SH3BP1: variants seen among roughly 807,000 people sequenced by gnomAD.
SH3BP1 encodes the protein SH3 domain-binding protein 1.
In SH3BP1, 46 loss-of-function variants were observed where a neutral mutation model predicts 69.8. The ratio of observed to expected loss-of-function variants is 0.66; its 90% CI spans 0.52 to 0.84. The LOEUF is 0.84. Ranked by LOEUF, SH3BP1 falls within the 40% of genes least tolerant of loss-of-function variation. The probability of loss-of-function intolerance (pLI) is 0.00; values close to 1 mark genes in which losing one functional copy is unlikely to be tolerated. For missense variants in SH3BP1, 868 were observed against 930.9 expected (o/e 0.93, Z 0.88); for synonymous variants, 403 against 378.0 (o/e 1.07, Z -0.77).
In SH3BP1 at chr22:37,655,354, GC is replaced by G; in HGVS notation, c.1781del (p.Pro594LeufsTer64). On this transcript the variant is annotated frameshift_variant, in exon 18 of 18. Coordinates refer to ENST00000649765, the MANE Select transcript of SH3BP1 (RefSeq NM_018957.6). LOFTEE classifies it low-confidence loss of function (END_TRUNC). ...SRSSPPAPPL[P>X]PGSGSPGTPQ... ...GCTCCTCCCCTCCAGCCCCGCCCTT[GC>G]CCCCTGGCTCTGGCAGCCCTGGGAC... is the stretch of plus-strand genomic sequence containing the variant. 8.4e-7 allele frequency: 1 copy of G among 1,191,646 alleles called. No homozygotes were observed. The highest frequency in any genetic ancestry group is 1.1e-6 in the Non-Finnish European group (1 of 936,392). 73.8% of individuals were successfully genotyped at this position (1,191,646 alleles called of 1,614,324 possible). A position where few individuals can be genotyped will look rare whatever the true frequency, so the allele number is the denominator to read the frequency against.
intron 16 of SH3BP1, among the ~76,000 whole-genome samples, chr22:37,651,633 G>A (rs532025283): frequency 3.9e-5 from 6 of 151,984 alleles, no homozygotes; most frequent in Admixed American, 6.6e-5. Context: ...CTTGGCCACC[G>A]TCTTCTCTTT....
intron 14 of SH3BP1, chr22:37,648,892 A>G (rs576060540): frequency 1.2e-5 from 2 of 172,182 alleles, no homozygotes; most frequent in South Asian, 1.2e-4. Flanking sequence ...TTTAGTAGAG[A>G]CAGGGTTTCA....
At chr22:37,642,819 G>T in intron 4 of SH3BP1, 76 bp from the exon 5 acceptor site, 1 of 1,589,886 alleles carries the variant, frequency 6.3e-7, no homozygotes, top group Non-Finnish European at 8.6e-7. Context: ...AAGTGAGGGA[G>T]GAGAGGCCCC....
At chr22:37,654,932 A>G (rs1243536373) in intron 17 of SH3BP1, among the ~76,000 whole-genome samples, 1 of 152,226 alleles carries the variant, frequency 6.6e-6, no homozygotes, top group South Asian at 2.1e-4. Flanking sequence ...CAACACAGCG[A>G]GACCCTGTCT....
intron 6 of SH3BP1, 153 bp downstream of exon 6, chr22:37,643,327 G>C: frequency 1.4e-6 from 1 of 724,772 alleles, no homozygotes; most frequent in African/African-American, 1.8e-5. Flanking sequence ...AGGAGCACAG[G>C]TGGTTAGCGT....
rs551887648 is a variant in SH3BP1 at position 37,648,412 on chromosome 22, G to A, written c.1293G>A (p.Leu431=). 2.6e-6 allele frequency: 4 copies of A among 1,567,308 alleles called. No individual in the cohort carries two copies. In the East Asian group the frequency reaches 9.2e-5, roughly 36 times the overall value. The part of the protein sequence containing the change: ...SNIAIVLGPN[L]LWPPEKEGDQ... Reference sequence around the variant, plus strand: ...TCGCCATAGTCCTGGGACCCAACTTGCTGTGGCCACCTGAGAAAGAAGGGT... The same window carrying A: ...TCGCCATAGTCCTGGGACCCAACTTACTGTGGCCACCTGAGAAAGAAGGGT... The change falls in exon 14 of 18, where the codon TTG becomes TTA. Residue 431 remains leucine (L), a synonymous_variant. Coordinates refer to ENST00000649765, the MANE Select transcript of SH3BP1 (RefSeq NM_018957.6).
rs1227474092 is a variant in SH3BP1 at position 37,643,758 on chromosome 22, G to A, written c.588G>A (p.Glu196=). 5.0e-6 allele frequency: 8 copies of A among 1,613,596 alleles called. No homozygotes were observed. The highest frequency in any genetic ancestry group is 6.8e-6 in the Non-Finnish European group (8 of 1,180,016). Residue 196 remains glutamate, a synonymous_variant, in exon 7 of 18, where the codon GAG becomes GAA. Transcript: ENST00000649765. The stretch of plus-strand genomic sequence containing the variant: ...TGGAGACGCTGAAGGAGGAGGAGGA[G>A]GAGCTGAAGAGGAAAGTGGAGCAAT... ...NKVETLKEEE[E]ELKRKVEQCR...
At chr22:37,646,645 T>G (rs1932789935) in intron 10 of SH3BP1, 173 bp from the exon 11 acceptor site, 3 of 431,978 alleles carry the variant, frequency 6.9e-6, no homozygotes, top group African/African-American at 6.1e-5. Context: ...TGCTCAGAAT[T>G]CTAGACCTTG....
rs533581987 is a variant in SH3BP1 at position 37,641,767 on chromosome 22, C to T, written c.207+289C>T. 2.0e-4 allele frequency: 73 copies of T among 367,118 alleles called. 1 individual carries two copies. Among genetic ancestry groups the T allele is most frequent in the African/African-American group, 1.1e-3 (54 of 47,474 alleles). 22.7% of individuals were successfully genotyped at this position (367,118 alleles called of 1,614,324 possible). Reference sequence around the variant, plus strand: ...GCGCAAGAGCAGGCTGTCAATGGGGCGGCCTCAGAGGGTTTCCTGAAGGAG... The same window carrying T: ...GCGCAAGAGCAGGCTGTCAATGGGGTGGCCTCAGAGGGTTTCCTGAAGGAG... On this transcript the variant is annotated intron_variant, in intron 3 of 17. Coordinates refer to ENST00000649765, the MANE Select transcript of SH3BP1 (RefSeq NM_018957.6).
In SH3BP1 at chr22:37,646,800, G is replaced by A. The variant is rs1569008122; in HGVS notation, c.925-18G>A. On this transcript the variant is annotated intron_variant, in intron 10 of 17. Coordinates refer to ENST00000649765, the MANE Select transcript of SH3BP1 (RefSeq NM_018957.6). Reference sequence around the variant, plus strand: ...GCCCACCCCTCTGTGACCCTTGCCTGCCTCCTCTCGAACCCAGGGTCTCTT... The same window carrying A: ...GCCCACCCCTCTGTGACCCTTGCCTACCTCCTCTCGAACCCAGGGTCTCTT... 4.1e-6 allele frequency: 6 copies of A among 1,478,758 alleles called. No individual in the cohort carries two copies. The East Asian group carries it at 1.5e-4, about 36-fold the overall frequency. The allele number at this position is 1,478,758 out of a possible 1,614,324, so 91.6% of individuals were successfully genotyped here. A position where few individuals can be genotyped will look rare whatever the true frequency, so the allele number is the denominator to read the frequency against.
At chr22:37,641,064 C>T (rs1932565049) in intron 1 of SH3BP1, 62 bp from the exon 2 acceptor site, 2 of 1,115,284 alleles carry the variant, frequency 1.8e-6, no homozygotes, top group Non-Finnish European at 2.6e-6. Flanking sequence ...AAGTAGGGGG[C>T]GTTCTAACCC....
intron 3 of SH3BP1, 137 bp from the exon 4 acceptor site, chr22:37,642,402 G>A (rs2146045300): frequency 2.7e-6 from 2 of 752,624 alleles, no homozygotes; most frequent in South Asian, 1.6e-5. Context: ...ACCACGCCTT[G>A]TCATCTTGTT....
rs74643220 is a variant in SH3BP1 at position 37,647,409 on chromosome 22, G to A, written c.1119-32G>A. The A allele has an allele frequency of 8.7e-4, 1,401 of 1,611,256 alleles. 10 individuals carry two copies. In the African/African-American group the frequency reaches 0.017, roughly 20 times the overall value. ...GGAGGATGCAAAGGTGTAGCCCTGC[G>A]CTGGCTGACAGGTCTCTCCACTCCC... On this transcript the variant is annotated intron_variant, in intron 12 of 17. Transcript: ENST00000649765.
rs767491821 is a variant in SH3BP1 at position 37,650,654 on chromosome 22, C to T, written c.1527C>T (p.Thr509=). 9 of 1,613,830 alleles carry T rather than the reference C, an allele frequency of 5.6e-6. No individual in the cohort carries two copies. The highest frequency in any genetic ancestry group is 7.6e-6 in the Non-Finnish European group (9 of 1,179,838). Residue 509 remains threonine (T), a synonymous_variant, in exon 16 of 18, where the codon ACC becomes ACT. Coordinates refer to ENST00000649765, the MANE Select transcript of SH3BP1 (RefSeq NM_018957.6). The part of the protein sequence containing the change: ...LPSTAVPTPA[T]TPAPAPAPAP... Reference sequence around the variant, plus strand: ...CCACTGCCGTGCCCACCCCAGCCACCACCCCGGCTCCGGCTCCGGCTCCAG... The same window carrying T: ...CCACTGCCGTGCCCACCCCAGCCACTACCCCGGCTCCGGCTCCGGCTCCAG...
At position 37,655,541 on chromosome 22, in the gene SH3BP1, G is replaced by T. The variant is rs1933007249; in HGVS notation, c.1963G>T (p.Val655Phe). 9.1e-6 allele frequency: 14 copies of T among 1,545,850 alleles called. No individual in the cohort carries two copies. In the East Asian group the frequency reaches 3.3e-4, roughly 36 times the overall value. The change falls in exon 18 of 18, where the codon GTC (valine) becomes TTC (phenylalanine). Residue 655 changes from valine to phenylalanine, a missense_variant. Coordinates refer to ENST00000649765, the MANE Select transcript of SH3BP1 (RefSeq NM_018957.6). ...CCCAGGTCCAGCCTCCCCCAGCCCA[G>T]TCTCTTTGAGTAACCCTGCACAGGT... Reference protein sequence around the residue: ...ASPGPASPSPVSLSNPAQVDL... With the variant: ...ASPGPASPSPFSLSNPAQVDL...
At chr22:37,640,463 G>A (rs1437180778) in intron 1 of SH3BP1, 1 of 152,530 alleles carries the variant, frequency 6.6e-6, no homozygotes, top group Non-Finnish European at 1.5e-5. Flanking sequence ...GAGGCCGGAA[G>A]TTTGGGGAGC....
At chr22:37,647,014 AAGAC>A in intron 11 of SH3BP1, 85 bp downstream of exon 11, 1 of 904,558 alleles carries the variant, frequency 1.1e-6, no homozygotes, top group Non-Finnish European at 1.6e-6. Context: ...GCCTGGCTTT[AAGAC>A]TTGATATTCT....
chr22:37,655,883 T>C lies in SH3BP1; in HGVS notation c.*199T>C, dbSNP rs1022445459. The C allele has an allele frequency of 6.5e-7, 1 of 1,539,294 alleles. No individual in the cohort carries two copies. The highest frequency in any genetic ancestry group is 2.4e-5 in the East Asian group (1 of 41,448). On this transcript the variant is annotated 3_prime_UTR_variant, in exon 18 of 18. Transcript: ENST00000649765. Reference sequence around the variant, plus strand: ...TTCCTGACCTTTTCCTCGTCCACCCTGGGCTTGGGGACCCCCCCACCGGAC... The same window carrying C: ...TTCCTGACCTTTTCCTCGTCCACCCCGGGCTTGGGGACCCCCCCACCGGAC...
At chr22:37,651,531 T>C (rs926367202) in intron 16 of SH3BP1, among the ~76,000 whole-genome samples, 14 of 151,996 alleles carry the variant, frequency 9.2e-5, no homozygotes, top group African/African-American at 3.4e-4. Flanking sequence ...GGTTACCCCA[T>C]GTTGGCCAGG....
Sources: allele counts gnomAD v4.1 joint callset (sites outside exome capture counted in the v4.1 genomes callset), GRCh38; gene constraint gnomAD v4.1.1; transcripts MANE v1.5; gene names NCBI Gene and HGNC (gene_info 2026-07-23, HGNC 2026-07-21).